ERC2: variants seen among roughly 807,000 people sequenced by gnomAD.
The protein encoded by ERC2 is ELKS/RAB6-interacting/CAST family member 2.
A neutral mutation model predicts 114.8 loss-of-function variants in ERC2; 42 were observed. The observed-to-expected ratio is 0.37, with a 90% CI of 0.29 to 0.47. The LOEUF (loss-of-function observed/expected upper bound fraction) is 0.47, where lower values mean the gene tolerates loss of function less well. Ranked by LOEUF, ERC2 falls within the 20% of genes least tolerant of loss-of-function variation. The pLI is 0.99. For missense variants in ERC2, 939 were observed against 1,150.7 expected (o/e 0.82, Z 2.66); for synonymous variants, 454 against 425.5 (o/e 1.07, Z -0.82).
chr3:56,347,545 C>T (rs187106514), intron 2 of ERC2, among the ~76,000 whole-genome samples: 1 of 152,092 alleles, frequency 6.6e-6, no homozygotes, highest in Non-Finnish European at 1.5e-5. Context: ...CTGCTGAATC[C>T]AGTTTGCAGT....
chr3:56,008,928 C>A (rs535615882), intron 9 of ERC2, among the ~76,000 whole-genome samples: 2 of 152,222 alleles, frequency 1.3e-5, no homozygotes, highest in South Asian at 4.2e-4. Flanking sequence ...ACTGTGTAAG[C>A]CAATTCCTTA....
chr3:55,699,479 A>G lies in ERC2; in HGVS notation c.2746T>C (p.Tyr916His). The G allele has an allele frequency of 6.2e-7, 1 of 1,613,194 alleles. No individual in the cohort carries two copies. ...TGGTAATGGTGATGGTCATCATCAT[A>G]GTTGTCTGCCATCAACTTCATTCTG... ...QNRMKLMADN[Y>H]DDDHHHYHHH... The change falls in exon 16 of 18, where the codon TAT (tyrosine) becomes CAT (histidine). Residue 916 changes from tyrosine (Y) to histidine (H), a missense_variant. Physicochemically the swap from Tyr to His is moderately conservative, Grantham distance 83. Transcript: ENST00000288221.
At chr3:55,827,378 A>C (rs924230116) in intron 14 of ERC2, among the ~76,000 whole-genome samples, 17 of 152,122 alleles carry the variant, frequency 1.1e-4, no homozygotes, top group African/African-American at 1.7e-4. Flanking sequence ...AAGAGACAGA[A>C]AGAAAGAAAA....
At chr3:56,354,385 T>C (rs1250419329) in intron 2 of ERC2, among the ~76,000 whole-genome samples, 1 of 152,136 alleles carries the variant, frequency 6.6e-6, no homozygotes, top group Non-Finnish European at 1.5e-5. Context: ...AGGGGCAATT[T>C]TGCTCCCAGG....
At position 55,509,107 on chromosome 3, in the gene ERC2, A is replaced by G. The variant is rs2051928847; in HGVS notation, c.*2209T>C. The G allele has an allele frequency of 6.5e-6, 1 of 152,678 alleles. No homozygotes were observed. Among genetic ancestry groups the G allele is most frequent in the Non-Finnish European group, 1.5e-5 (1 of 68,050 alleles). 9.5% of individuals were successfully genotyped at this position (152,678 alleles called of 1,614,324 possible). A position where few individuals can be genotyped will look rare whatever the true frequency, so the allele number is the denominator to read the frequency against. On this transcript the variant is annotated 3_prime_UTR_variant, in exon 18 of 18. Coordinates refer to ENST00000288221, the MANE Select transcript of ERC2 (RefSeq NM_015576.3). ...TTTAATTTTTAAGGGACTAAATTAT[A>G]CGACCTCATAAAGGTAAGATCAGTA... is the stretch of plus-strand genomic sequence containing the variant.
rs73091043 is a variant in ERC2 at position 56,077,250 on chromosome 3, A to G, written c.1641+3567T>C. Among the ~76,000 whole-genome samples, 1,359 of 152,318 alleles carry G rather than the reference A, an allele frequency of 8.9e-3. 7 individuals are homozygous for G. The highest frequency in any genetic ancestry group is 0.017 in the Middle Eastern group (5 of 294). ...AGGGATTATTTCCCTTTCACATTGC[A>G]GGTATAATAGAGCTCCTGTGGCTTT... On this transcript the variant is annotated intron_variant, in intron 7 of 17. Coordinates refer to ENST00000288221, the MANE Select transcript of ERC2 (RefSeq NM_015576.3).
intron 17 of ERC2, among the ~76,000 whole-genome samples, chr3:55,630,416 G>A (rs1259352855): frequency 6.6e-6 from 1 of 152,108 alleles, no homozygotes; most frequent in African/African-American, 2.4e-5. Context: ...TGATTCACCC[G>A]CCTCGACCTT....
intron 8 of ERC2, among the ~76,000 whole-genome samples, chr3:56,010,895 G>A (rs1434374431): frequency 6.6e-6 from 1 of 152,210 alleles, no homozygotes; most frequent in East Asian, 1.9e-4. Flanking sequence ...AGCAGCTCTA[G>A]AAGAGGGAGC....
intron 3 of ERC2, among the ~76,000 whole-genome samples, chr3:56,268,677 A>C (rs1010619635): frequency 6.6e-6 from 1 of 152,230 alleles, no homozygotes; most frequent in African/African-American, 2.4e-5. Flanking sequence ...AACTGGTATA[A>C]GTGACTTGAC....
chr3:55,772,780 T>C (rs570314582), intron 14 of ERC2, among the ~76,000 whole-genome samples: 2 of 152,292 alleles, frequency 1.3e-5, no homozygotes, highest in South Asian at 4.2e-4. Context: ...CTGCTGTAGT[T>C]ACCCTGTCTT....
intron 14 of ERC2, among the ~76,000 whole-genome samples, chr3:55,849,857 A>G (rs2149237876): frequency 6.6e-6 from 1 of 152,288 alleles, no homozygotes; most frequent in African/African-American, 2.4e-5. Context: ...AAAAACAACA[A>G]CAATAATAAT....
chr3:56,032,913 A>G (rs370787492), intron 7 of ERC2, among the ~76,000 whole-genome samples: 227 of 68,554 alleles, frequency 3.3e-3, no homozygotes, highest in South Asian at 8.5e-3. Flanking sequence ...GAAAGAAAGA[A>G]AGAAAGAAAG....
At chr3:55,793,728 G>A (rs1365300013) in intron 14 of ERC2, among the ~76,000 whole-genome samples, 3 of 152,152 alleles carry the variant, frequency 2.0e-5, no homozygotes, top group Non-Finnish European at 4.4e-5. Flanking sequence ...ATGAAAAATC[G>A]TATTATTTAG....
At chr3:55,898,591 A>G (rs1232432277) in intron 13 of ERC2, among the ~76,000 whole-genome samples, 1 of 152,182 alleles carries the variant, frequency 6.6e-6, no homozygotes, top group African/African-American at 2.4e-5. Context: ...TACAACAGCA[A>G]CATGCTTGGC....
intron 3 of ERC2, among the ~76,000 whole-genome samples, chr3:56,189,008 C>T (rs916552918): frequency 6.6e-6 from 1 of 152,170 alleles, no homozygotes; most frequent in Non-Finnish European, 1.5e-5. Flanking sequence ...TTTCATTTAA[C>T]CCACACCCCA....
At chr3:56,395,392 G>T (rs974197606) in intron 2 of ERC2, among the ~76,000 whole-genome samples, 1 of 152,072 alleles carries the variant, frequency 6.6e-6, no homozygotes, top group African/African-American at 2.4e-5. Context: ...CTTTAACATT[G>T]TCTTTGAATT....
intron 4 of ERC2, among the ~76,000 whole-genome samples, chr3:56,172,317 A>G (rs1417755857): frequency 6.6e-6 from 1 of 152,224 alleles, no homozygotes; most frequent in East Asian, 1.9e-4. Context: ...TGGGGGACAC[A>G]TAGTTTTAAA....
chr3:56,004,267 C>T (rs2072299428), intron 10 of ERC2, among the ~76,000 whole-genome samples: 1 of 152,048 alleles, frequency 6.6e-6, no homozygotes, highest in African/African-American at 2.4e-5. Context: ...TTATCAGCCT[C>T]TTCTCAACTC....
intron 17 of ERC2, among the ~76,000 whole-genome samples, chr3:55,588,258 TC>T (rs1393219688): frequency 6.6e-6 from 1 of 151,830 alleles, no homozygotes; most frequent in African/African-American, 2.4e-5. Context: ...ATGTTCACAG[TC>T]CCCAACCCCT....
Sources: allele counts gnomAD v4.1 joint callset (sites outside exome capture counted in the v4.1 genomes callset), GRCh38; gene constraint gnomAD v4.1.1; transcripts MANE v1.5; gene names NCBI Gene and HGNC (gene_info 2026-07-23, HGNC 2026-07-21).